Variants in FKBP6 observed in about 807,000 individuals in gnomAD.
The protein encoded by FKBP6 is inactive peptidyl-prolyl cis-trans isomerase FKBP6.
Under a neutral mutation model 41.7 loss-of-function variants are expected in FKBP6, and 29 were observed. The observed-to-expected ratio is 0.70, with a 90% CI of 0.52 to 0.95. The LOEUF is 0.95. Among genes scored for constraint, FKBP6 ranks in the 40% least tolerant of loss-of-function variants. FKBP6 has a pLI of 0.00. For synonymous variants in FKBP6, 130 were observed against 165.1 expected, an observed-to-expected ratio of 0.79 and a Z score of 1.63; for missense variants, 338 against 408.7, an observed-to-expected ratio of 0.83 and a Z score of 1.49.
In FKBP6 at chr7:73,329,843, G is replaced by T. The variant is rs189935777; in HGVS notation, c.266-307G>T. On this transcript the variant is annotated intron_variant, in intron 3 of 8. Coordinates refer to ENST00000252037, the MANE Select transcript of FKBP6 (RefSeq NM_003602.5). ...TGCACTCAGCTCACTTGGTAGAATC[G>T]GATGAGTGCCTGGGAGGTGAAAGCA... The T allele has an allele frequency of 9.4e-6, 5 of 531,436 alleles. No individual in the cohort carries two copies. In the East Asian group the frequency reaches 1.7e-4, roughly 18 times the overall value. The allele number at this position is 531,436 out of a possible 1,614,324, so 32.9% of individuals were successfully genotyped here. A position where few individuals can be genotyped will look rare whatever the true frequency, so the allele number is the denominator to read the frequency against.
chr7:73,333,499 G>A (rs1016935814), intron 5 of FKBP6, among the ~76,000 whole-genome samples: 15 of 152,108 alleles, frequency 9.9e-5, no homozygotes, highest in Non-Finnish European at 1.8e-4. Flanking sequence ...AGACATAAAG[G>A]GAAACCTCTG....
At chr7:73,328,929 C>G (rs184753552) in intron 2 of FKBP6, among the ~76,000 whole-genome samples, 1 of 152,240 alleles carries the variant, frequency 6.6e-6, no homozygotes, top group East Asian at 1.9e-4. Flanking sequence ...GCCTCAGCCT[C>G]CCAAATAAGG....
chr7:73,355,319 G>A (rs1805598408), intron 8 of FKBP6, among the ~76,000 whole-genome samples: 1 of 152,190 alleles, frequency 6.6e-6, no homozygotes, highest in Non-Finnish European at 1.5e-5. Flanking sequence ...TTCTGACTTT[G>A]CACCTCTGTG....
intron 4 of FKBP6, among the ~76,000 whole-genome samples, chr7:73,331,441 G>C (rs1036544557): frequency 1.3e-5 from 2 of 152,246 alleles, no homozygotes; most frequent in Non-Finnish European, 2.9e-5. Flanking sequence ...CTCCAACACA[G>C]AAGGCTGTAA....
At chr7:73,329,876 G>C (rs1804780316) in intron 3 of FKBP6, 1 of 557,978 alleles carries the variant, frequency 1.8e-6, no homozygotes, top group Admixed American at 3.0e-5. Context: ...GCAGTGTTGT[G>C]GGTGTGCTTA....
rs1554546879 is a variant in FKBP6, at chr7:73,328,696, C to T, written c.175+4C>T. ...GCGCCTGATGCTTCGGTGCTAGGTA[C>T]GCCCTGGGGCGGTTTGTCCTCAGGA... On this transcript the variant is annotated splice_donor_region_variant and intron_variant, in intron 2 of 8. Transcript: ENST00000252037. 10 of 1,611,922 alleles carry T rather than the reference C, an allele frequency of 6.2e-6. No individual in the cohort carries two copies. Among genetic ancestry groups the T allele is most frequent in the Non-Finnish European group, 8.5e-6 (10 of 1,179,830 alleles).
intron 5 of FKBP6, chr7:73,336,720 T>G (rs780732098): frequency 2.2e-6 from 1 of 456,338 alleles, no homozygotes; most frequent in Non-Finnish European, 4.4e-6. Flanking sequence ...ACATGTCAAA[T>G]GACAAACTTC....
chr7:73,329,910 TG>T, intron 3 of FKBP6: 1 of 593,100 alleles, frequency 1.7e-6, no homozygotes, highest in Non-Finnish European at 3.0e-6. Flanking sequence ...TAATTCTAGC[TG>T]GGAGGTTCAG....
intron 5 of FKBP6, among the ~76,000 whole-genome samples, chr7:73,333,226 G>A (rs939260334): frequency 6.7e-6 from 1 of 149,552 alleles, no homozygotes; most frequent in South Asian, 2.1e-4. Flanking sequence ...AGCCAAGATC[G>A]CACCACTGCA....
At chr7:73,335,979 T>C (rs1554548515) in intron 5 of FKBP6, among the ~76,000 whole-genome samples, 1 of 152,180 alleles carries the variant, frequency 6.6e-6, no homozygotes, top group African/African-American at 2.4e-5. Context: ...AGCACCACTG[T>C]GTCTCCACCT....
In FKBP6 at chr7:73,336,540, A is replaced by G. The variant is rs188707956; in HGVS notation, c.589-4098A>G. ...GAGCTCGTGAAAACTCAAAATTTCA[A>G]TTGTAAAATTTTCAGGAGTTTTGTG... On this transcript the variant is annotated intron_variant, in intron 5 of 8. Transcript: ENST00000252037. Among the ~76,000 whole-genome samples the G allele has an allele frequency of 9.3e-4, 141 of 152,238 alleles. 1 individual carries two copies. The highest frequency in any genetic ancestry group is 7.5e-3 in the Admixed American group (115 of 15,290).
intron 7 of FKBP6, among the ~76,000 whole-genome samples, chr7:73,342,520 G>A (rs1291870258): frequency 6.6e-6 from 1 of 152,180 alleles, no homozygotes; most frequent in Non-Finnish European, 1.5e-5. Flanking sequence ...GAGGGTGAGG[G>A]GTCGTTTGGC....
At chr7:73,343,924 A>G (rs1370025023) in intron 8 of FKBP6, among the ~76,000 whole-genome samples, 6 of 152,324 alleles carry the variant, frequency 3.9e-5, no homozygotes, top group African/African-American at 1.4e-4. Flanking sequence ...GAGGCAGTGA[A>G]AAGGCCTATT....
chr7:73,338,982 A>G (rs571036434), intron 5 of FKBP6: 25 of 152,306 alleles, frequency 1.6e-4, no homozygotes, highest in African/African-American at 6.0e-4. Flanking sequence ...GATGAAGTCT[A>G]ATTCTTTGCT....
rs200749999 is a variant in FKBP6 at position 73,341,306 on chromosome 7, C to T, written c.817C>T (p.Arg273Trp). 20 of 1,613,370 alleles carry T rather than the reference C, an allele frequency of 1.2e-5. No homozygotes were observed. The highest frequency in any genetic ancestry group is 2.7e-5 in the African/African-American group (2 of 74,904). Residue 273 changes from arginine to tryptophan, a missense_variant, in exon 7 of 9, where the codon CGG becomes TGG. Arg to Trp is a moderately radical substitution (Grantham distance 101). Transcript: ENST00000252037. ...TCTCCTGACTGAGTATCAAAAGGCCCGGGATTTTCTAGTTCGAGCCCAGAA... is the reference window on the plus strand; with the variant it reads ...TCTCCTGACTGAGTATCAAAAGGCCTGGGATTTTCTAGTTCGAGCCCAGAA... ...CLLLTEYQKA[R>W]DFLVRAQKEQ...
At chr7:73,343,443 G>C (rs1252743559) in intron 8 of FKBP6, among the ~76,000 whole-genome samples, 1 of 152,020 alleles carries the variant, frequency 6.6e-6, no homozygotes, top group Non-Finnish European at 1.5e-5. Flanking sequence ...GGGCTTTGAC[G>C]TGTCAAGCTT....
intron 5 of FKBP6, among the ~76,000 whole-genome samples, chr7:73,333,958 G>T (rs546771729): frequency 6.6e-6 from 1 of 152,208 alleles, no homozygotes; most frequent in Admixed American, 6.5e-5. Context: ...CATAGTCCCA[G>T]CTACTTGGGA....
At chr7:73,355,366 C>T (rs551100630) in intron 8 of FKBP6, among the ~76,000 whole-genome samples, 5 of 152,320 alleles carry the variant, frequency 3.3e-5, no homozygotes, top group African/African-American at 1.2e-4. Context: ...GAAATGTGAG[C>T]TGAGCTTTCC....
In FKBP6 at chr7:73,328,591, T is replaced by G. The variant is rs1804715833; in HGVS notation, c.74T>G (p.Leu25Ter). ...CTCCATCAGTCCCTGTACGAGCGGTTAAGTCAGAGGATGCTGGACATCTCG... is the reference window on the plus strand; with the variant it reads ...CTCCATCAGTCCCTGTACGAGCGGTGAAGTCAGAGGATGCTGGACATCTCG... ...DAPGQSLYER[L>*]SQRMLDISGD... is the part of the protein sequence containing the mutation. The change falls in exon 2 of 9, where the codon TTA (leucine) becomes TGA (stop). Residue 25 changes from leucine to a stop codon, truncating the protein, a stop_gained. Transcript: ENST00000252037. LOFTEE classifies it high-confidence loss of function. The G allele has an allele frequency of 1.2e-6, 2 of 1,606,060 alleles. No individual in the cohort carries two copies. Among genetic ancestry groups the G allele is most frequent in the Non-Finnish European group, 8.5e-7 (1 of 1,175,232 alleles).
Sources: allele counts gnomAD v4.1 joint callset (sites outside exome capture counted in the v4.1 genomes callset), GRCh38; gene constraint gnomAD v4.1.1; transcripts MANE v1.5; gene names NCBI Gene and HGNC (gene_info 2026-07-23, HGNC 2026-07-21).